The following XRCC4 variants were observed in gnomAD, a reference collection of about 807,000 sequenced individuals.
The protein encoded by XRCC4 is X-ray repair cross complementing 4, also known as DNA repair protein XRCC4.
XRCC4 carries 28 observed loss-of-function variants against 39.1 expected under a neutral mutation model. That is an observed-to-expected ratio of 0.72 (90% confidence interval 0.53 to 0.98). The LOEUF (loss-of-function observed/expected upper bound fraction) is 0.98, where lower values mean the gene tolerates loss of function less well. Ranked by LOEUF, XRCC4 falls within the 50% of genes least tolerant of loss-of-function variation. XRCC4 has a pLI of 0.00. For synonymous variants in XRCC4, 123 were observed against 126.4 expected, an observed-to-expected ratio of 0.97 and a Z score of 0.18; for missense variants, 350 against 376.4, an observed-to-expected ratio of 0.93 and a Z score of 0.58.
chr5:83,116,379 T>C (rs1483526664), intron 3 of XRCC4, among the ~76,000 whole-genome samples: 1 of 152,156 alleles, frequency 6.6e-6, no homozygotes, highest in African/African-American at 2.4e-5. Context: ...TAGGCATTTA[T>C]TGCCATCAGT....
At chr5:83,309,307 A>ATATATATATATATATG (rs1185253600) in intron 7 of XRCC4, among the ~76,000 whole-genome samples, 1 of 130,874 alleles carries the variant, frequency 7.6e-6, no homozygotes, top group East Asian at 2.7e-4. Context: ...ATATATATAT[A>ATATATATATATATATG]TATATATATA....
chr5:83,347,222 G>C (rs111701225), intron 7 of XRCC4, among the ~76,000 whole-genome samples: 1 of 152,040 alleles, frequency 6.6e-6, no homozygotes, highest in Non-Finnish European at 1.5e-5. Flanking sequence ...TGTGTAGAAT[G>C]ATCACATTTT....
At chr5:83,107,842 G>A (rs1306774632) in intron 2 of XRCC4, among the ~76,000 whole-genome samples, 2 of 151,848 alleles carry the variant, frequency 1.3e-5, no homozygotes, top group Non-Finnish European at 2.9e-5. Context: ...AGTGGAAAGA[G>A]GATTTTAATA....
At chr5:83,308,485 C>T (rs1290685976) in intron 7 of XRCC4, among the ~76,000 whole-genome samples, 1 of 152,104 alleles carries the variant, frequency 6.6e-6, no homozygotes, top group Non-Finnish European at 1.5e-5. Context: ...TGGATTTAGC[C>T]ATTTACAAAA....
intron 7 of XRCC4, among the ~76,000 whole-genome samples, chr5:83,260,548 T>C (rs1423775843): frequency 2.0e-5 from 3 of 152,074 alleles, no homozygotes; most frequent in Admixed American, 2.0e-4. Context: ...ACTCTATGTG[T>C]GAACCAAAGG....
chr5:83,129,581 CA>C (rs1487076023), intron 3 of XRCC4, among the ~76,000 whole-genome samples: 1 of 151,942 alleles, frequency 6.6e-6, no homozygotes, highest in African/African-American at 2.4e-5. Context: ...TGGCCATTTT[CA>C]CAATATTGAT....
chr5:83,268,820 A>G (rs939617260), intron 7 of XRCC4, among the ~76,000 whole-genome samples: 1 of 152,190 alleles, frequency 6.6e-6, no homozygotes, highest in Non-Finnish European at 1.5e-5. Context: ...GAAATTTCCC[A>G]ACTTTAGAGA....
At chr5:83,226,977 ATAT>A (rs1752315314) in intron 6 of XRCC4, among the ~76,000 whole-genome samples, 2 of 151,976 alleles carry the variant, frequency 1.3e-5, no homozygotes, top group African/African-American at 4.8e-5. Flanking sequence ...CATTACATGT[ATAT>A]TAGACTTTTC....
rs1206850229 is a variant in XRCC4, at chr5:83,288,756, G to A, written c.893+30079G>A. 7.2e-5 allele frequency among the ~76,000 whole-genome samples: 11 copies of A among 151,870 alleles called. No homozygotes were observed. In the East Asian group the frequency reaches 2.1e-3, roughly 29 times the overall value. ...TGTAGTTTTTAATATGACATGCCTA[G>A]GGATATGTTGGTTGAGTTTCCGCTA... On this transcript the variant is annotated intron_variant, in intron 7 of 7. Coordinates refer to ENST00000396027, the MANE Select transcript of XRCC4 (RefSeq NM_003401.5).
At chr5:83,141,804 G>T (rs1470341245) in intron 3 of XRCC4, among the ~76,000 whole-genome samples, 4 of 150,406 alleles carry the variant, frequency 2.7e-5, no homozygotes, top group African/African-American at 7.3e-5. Flanking sequence ...TATTAATCTG[G>T]AACAGGTAGG....
intron 3 of XRCC4, among the ~76,000 whole-genome samples, chr5:83,115,932 T>C (rs865789586): frequency 1.2e-4 from 18 of 152,330 alleles, no homozygotes; most frequent in Middle Eastern, 3.4e-3. Flanking sequence ...AGAGATATTT[T>C]GGATATTTAG....
intron 7 of XRCC4, among the ~76,000 whole-genome samples, chr5:83,337,884 T>A (rs1206886537): frequency 6.6e-6 from 1 of 152,092 alleles, no homozygotes; most frequent in African/African-American, 2.4e-5. Context: ...CAATGACATA[T>A]CAACTTGGCA....
intron 6 of XRCC4, among the ~76,000 whole-genome samples, chr5:83,254,287 C>T (rs578054662): frequency 9.7e-4 from 147 of 152,134 alleles, no homozygotes; most frequent in South Asian, 2.3e-3. Flanking sequence ...TTTAACATAT[C>T]GCTCTGCCTT....
chr5:83,332,284 G>A (rs1756463998), intron 7 of XRCC4, among the ~76,000 whole-genome samples: 1 of 150,812 alleles, frequency 6.6e-6, no homozygotes, highest in African/African-American at 2.4e-5. Flanking sequence ...GAGAGAGAGA[G>A]AGAAATGGAC....
the XRCC4 span, among the ~76,000 whole-genome samples, chr5:83,370,583 T>C: frequency 6.6e-6 from 1 of 152,176 alleles, no homozygotes; most frequent in African/African-American, 2.4e-5. Flanking sequence ...GCTGAACTCA[T>C]AATTTCCCTT....
At chr5:83,083,375 ATTTT>A (rs576959639) in intron 1 of XRCC4, among the ~76,000 whole-genome samples, 1 of 126,874 alleles carries the variant, frequency 7.9e-6, no homozygotes, top group Admixed American at 8.0e-5. Context: ...TGAATCTGTA[ATTTT>A]TTTTTTTTTT....
intron 3 of XRCC4, 115 bp downstream of exon 3, chr5:83,111,318 C>A: frequency 1.3e-6 from 1 of 769,248 alleles, no homozygotes; most frequent in Non-Finnish European, 1.9e-6. Flanking sequence ...GAAGCAAAAG[C>A]TTGAAAAGTA....
chr5:83,078,343 A>T (rs1386420853), intron 1 of XRCC4, among the ~76,000 whole-genome samples: 1 of 152,252 alleles, frequency 6.6e-6, no homozygotes, highest in Admixed American at 6.5e-5. Flanking sequence ...AAGTATTAGA[A>T]ATGAGAGTTT....
At chr5:83,149,737 A>G (rs747908145) in intron 3 of XRCC4, among the ~76,000 whole-genome samples, 61 of 152,108 alleles carry the variant, frequency 4.0e-4, no homozygotes, top group Non-Finnish European at 6.3e-4. Context: ...TATGATAGCA[A>G]TTTTTTAGGG....
Sources: allele counts gnomAD v4.1 joint callset (sites outside exome capture counted in the v4.1 genomes callset), GRCh38; gene constraint gnomAD v4.1.1; transcripts MANE v1.5; gene names NCBI Gene and HGNC (gene_info 2026-07-23, HGNC 2026-07-21).